STAM: variants seen among roughly 807,000 people sequenced by gnomAD.
The protein encoded by STAM is signal transducing adaptor molecule.
A neutral mutation model predicts 63.4 loss-of-function variants in STAM; 16 were observed. The ratio of observed to expected loss-of-function variants is 0.25; its 90% CI spans 0.17 to 0.38. STAM has a LOEUF of 0.38. Ranked by LOEUF, STAM falls within the 10% of genes least tolerant of loss-of-function variation. STAM has a pLI of 1.00. For missense variants in STAM, 636 were observed against 657.1 expected (o/e 0.97, Z 0.35); for synonymous variants, 238 against 223.9 (o/e 1.06, Z -0.56).
Position 17,657,044 on chromosome 10 carries a change from A to G in STAM, c.41-3420A>G, listed in dbSNP as rs148982109. On this transcript the variant is annotated intron_variant, in intron 1 of 13. Transcript: ENST00000377524. ...TGTTTAGAAAGTTGTATGCATGCCC[A>G]TCGGAGGCTTTTTTCCCTTTTCTGG... Among the ~76,000 whole-genome samples, 1,370 of 152,224 alleles carry G rather than the reference A, an allele frequency of 9.0e-3. 12 individuals are homozygous for G. Among genetic ancestry groups the G allele is most frequent in the African/African-American group, 0.031 (1,297 of 41,528 alleles).
At chr10:17,664,293 A>G (rs1433177979) in intron 2 of STAM, among the ~76,000 whole-genome samples, 1 of 152,058 alleles carries the variant, frequency 6.6e-6, no homozygotes, top group Non-Finnish European at 1.5e-5. Context: ...AATTATATAT[A>G]CAATAAAATT....
chr10:17,676,252 C>A (rs1025519118), intron 2 of STAM, among the ~76,000 whole-genome samples: 40 of 152,130 alleles, frequency 2.6e-4, no homozygotes, highest in African/African-American at 9.4e-4. Context: ...GTTATGACTT[C>A]ACCTAGAAAC....
At chr10:17,682,038 A>T (rs1012188523) in intron 2 of STAM, among the ~76,000 whole-genome samples, 6 of 152,218 alleles carry the variant, frequency 3.9e-5, no homozygotes, top group South Asian at 2.1e-4. Flanking sequence ...ATTTATCTAC[A>T]ACAAAGAGCA....
chr10:17,649,780 C>T (rs1833663640), intron 1 of STAM, among the ~76,000 whole-genome samples: 1 of 151,964 alleles, frequency 6.6e-6, no homozygotes, highest in South Asian at 2.1e-4. Context: ...GTTTTTAAAT[C>T]TTTTTTTACA....
intron 13 of STAM, 96 bp from the exon 14 acceptor site, chr10:17,714,447 T>C: frequency 8.8e-7 from 1 of 1,137,476 alleles, no homozygotes; most frequent in Non-Finnish European, 1.3e-6. Context: ...ATGAATTGAC[T>C]ATATGAATGA....
rs61842353 is a variant in STAM, at chr10:17,716,247, G to A, written c.*1467G>A. On this transcript the variant is annotated 3_prime_UTR_variant, in exon 14 of 14. Transcript: ENST00000377524. ...AATTTCATTTTTATTTTCTAAGACT[G>A]TTGTAATCAGGTAGCTTGTTTATTT... 6.6e-6 allele frequency among the ~76,000 whole-genome samples: 1 copy of A among 151,960 alleles called. No individual in the cohort carries two copies. Among genetic ancestry groups the A allele is most frequent in the South Asian group, 2.1e-4 (1 of 4,828 alleles).
chr10:17,685,411 G>A (rs782777666), intron 4 of STAM, among the ~76,000 whole-genome samples: 3 of 152,166 alleles, frequency 2.0e-5, no homozygotes, highest in Admixed American at 1.3e-4. Context: ...CTCAAAAGTG[G>A]TGGCGGGGGA....
intron 1 of STAM, among the ~76,000 whole-genome samples, chr10:17,657,289 G>T (rs1165597636): frequency 6.6e-6 from 1 of 152,166 alleles, no homozygotes; most frequent in Non-Finnish European, 1.5e-5. Context: ...GAGGCAATGT[G>T]ATAATTGCTG....
chr10:17,675,971 C>T (rs1834839137), intron 2 of STAM, among the ~76,000 whole-genome samples: 1 of 151,586 alleles, frequency 6.6e-6, no homozygotes, highest in South Asian at 2.1e-4. Context: ...GATGAATGGG[C>T]AAAAATGAGA....
At chr10:17,667,547 T>C (rs1366635735) in intron 2 of STAM, among the ~76,000 whole-genome samples, 1 of 152,264 alleles carries the variant, frequency 6.6e-6, no homozygotes, top group Non-Finnish European at 1.5e-5. Flanking sequence ...ATTTGTCAAA[T>C]ACTGAATGCC....
chr10:17,693,450 TACTCTTG>T (rs1416012440), intron 6 of STAM, 138 bp downstream of exon 6: 1 of 640,460 alleles, frequency 1.6e-6, no homozygotes, highest in Non-Finnish European at 2.5e-6. Context: ...TTCTTTGCTT[TACTCTTG>T]AGAGGCAATT....
chr10:17,678,652 A>G (rs983853615), intron 2 of STAM, among the ~76,000 whole-genome samples: 3 of 152,138 alleles, frequency 2.0e-5, no homozygotes, highest in Non-Finnish European at 2.9e-5. Flanking sequence ...TTTACTATTT[A>G]AATCATTTTT....
At chr10:17,705,971 G>A (rs1203467524) in intron 12 of STAM, among the ~76,000 whole-genome samples, 1 of 151,884 alleles carries the variant, frequency 6.6e-6, no homozygotes, top group Admixed American at 6.6e-5. Flanking sequence ...GAAAAGCTGA[G>A]GTGGGAGGAT....
At chr10:17,704,573 G>A (rs1554828978) in intron 10 of STAM, 55 bp downstream of exon 10, 1 of 1,400,866 alleles carries the variant, frequency 7.1e-7, no homozygotes, top group Non-Finnish European at 1.0e-6. Context: ...TTAATAACTG[G>A]TGTCCTGTTA....
chr10:17,709,518 C>T (rs1438774521), intron 13 of STAM, among the ~76,000 whole-genome samples: 1 of 152,134 alleles, frequency 6.6e-6, no homozygotes, highest in Non-Finnish European at 1.5e-5. Context: ...TTTACTTTGC[C>T]ATTTACTTAC....
Position 17,677,139 on chromosome 10 carries a change from C to A in STAM, c.126-7536C>A, listed in dbSNP as rs540062469. On this transcript the variant is annotated intron_variant, in intron 2 of 13. Coordinates refer to ENST00000377524, the MANE Select transcript of STAM (RefSeq NM_003473.4). ...CTCTGTCCTTTTAATGGTTCAGTAG[C>A]CAATTTTATTTTGGTGCCAGAGATA... Among the ~76,000 whole-genome samples the A allele has an allele frequency of 3.3e-5, 5 of 152,178 alleles. No individual in the cohort carries two copies. The South Asian group carries it at 1.0e-3, about 32-fold the overall frequency.
At chr10:17,712,454 T>G (rs903162378) in intron 13 of STAM, among the ~76,000 whole-genome samples, 2 of 152,222 alleles carry the variant, frequency 1.3e-5, no homozygotes, top group Admixed American at 6.5e-5. Flanking sequence ...GGTCACCACA[T>G]TAGTTGGAGA....
intron 2 of STAM, among the ~76,000 whole-genome samples, chr10:17,681,996 C>T (rs1182004300): frequency 6.6e-6 from 1 of 152,240 alleles, no homozygotes; most frequent in Non-Finnish European, 1.5e-5. Flanking sequence ...CTTGGCCTGT[C>T]ATTTAAATAG....
At chr10:17,702,309 A>G (rs1292002691) in intron 9 of STAM, among the ~76,000 whole-genome samples, 2 of 152,172 alleles carry the variant, frequency 1.3e-5, no homozygotes, top group African/African-American at 2.4e-5. Flanking sequence ...AAAACTTTCA[A>G]GTATATTAGG....
Sources: gnomAD v4.1 joint callset for allele counts (sites outside exome capture counted in the v4.1 genomes callset) on GRCh38, gnomAD v4.1.1 for gene constraint, MANE v1.5 for transcripts, NCBI Gene and HGNC (gene_info 2026-07-23, HGNC 2026-07-21) for gene names.